ELAPOR2: variants seen among roughly 807,000 people sequenced by gnomAD.
The protein encoded by ELAPOR2 is endosome/lysosome-associated apoptosis and autophagy regulator family member 2.
In ELAPOR2, 89 loss-of-function variants were observed where a neutral mutation model predicts 120.7. The observed-to-expected ratio is 0.74, with a 90% confidence interval of 0.62 to 0.88. The LOEUF (loss-of-function observed/expected upper bound fraction) is 0.88. ELAPOR2 is among the 40% of genes least tolerant of loss of function. The pLI is 0.00. For synonymous variants in ELAPOR2, 444 were observed against 444.9 expected, an observed-to-expected ratio of 1.00 and a Z score of 0.03; for missense variants, 1,134 against 1,251.6, an observed-to-expected ratio of 0.91 and a Z score of 1.42.
At chr7:86,959,562 T>A (rs1049498062) in intron 2 of ELAPOR2, among the ~76,000 whole-genome samples, 11 of 152,238 alleles carry the variant, frequency 7.2e-5, no homozygotes, top group Admixed American at 6.5e-4. Flanking sequence ...ATGTTCTTTC[T>A]GCATCTATTG....
chr7:87,041,117 A>C (rs1794771404), intron 1 of ELAPOR2, among the ~76,000 whole-genome samples: 1 of 152,224 alleles, frequency 6.6e-6, no homozygotes, highest in Admixed American at 6.5e-5. Flanking sequence ...ATTATGTGAA[A>C]AGACCAAATC....
rs191842559 is a variant in ELAPOR2 at position 86,990,250 on chromosome 7, G to A, written c.190-25226C>T. ...TTTTTAGTAGAGACGGGGTTTCACC[G>A]TCTTAGCCAGGATGGTCTCGATCTC... On this transcript the variant is annotated intron_variant, in intron 1 of 21. Coordinates refer to ENST00000450689, the MANE Select transcript of ELAPOR2 (RefSeq NM_001142749.3). Among the ~76,000 whole-genome samples the A allele has an allele frequency of 8.7e-3, 1,316 of 152,016 alleles. 18 individuals are homozygous for A. Among genetic ancestry groups the A allele is most frequent in the South Asian group, 0.036 (174 of 4,788 alleles).
chr7:86,916,955 ATTTTTTTTTTTT>A (rs58682563), intron 12 of ELAPOR2, among the ~76,000 whole-genome samples: 67 of 86,688 alleles, frequency 7.7e-4, no homozygotes, highest in African/African-American at 3.3e-3. Context: ...TGGCCAGCTA[ATTTTTTTTTTTT>A]TTTTTTTTTT....
chr7:87,011,974 A>G (rs1793696522), intron 1 of ELAPOR2, among the ~76,000 whole-genome samples: 1 of 152,196 alleles, frequency 6.6e-6, no homozygotes, highest in South Asian at 2.1e-4. Context: ...TTTTAATAAT[A>G]TATTTTAACT....
chr7:86,932,562 C>A lies in ELAPOR2; in HGVS notation c.1089+5564G>T, dbSNP rs951720277. ...ACCCAAAATAAATAAAATCTTAAGTCTTTTCTGTTTACTAGCTCCCAAACA... is the reference window on the plus strand; with the variant it reads ...ACCCAAAATAAATAAAATCTTAAGTATTTTCTGTTTACTAGCTCCCAAACA... On this transcript the variant is annotated intron_variant, in intron 8 of 21. Transcript: ENST00000450689. 2.2e-4 allele frequency among the ~76,000 whole-genome samples: 34 copies of A among 151,910 alleles called. 1 individual carries two copies. The highest frequency in any genetic ancestry group is 1.4e-3 in the Admixed American group (22 of 15,218).
chr7:87,033,104 G>C (rs1390532017), intron 1 of ELAPOR2, among the ~76,000 whole-genome samples: 2 of 152,170 alleles, frequency 1.3e-5, no homozygotes, highest in African/African-American at 4.8e-5. Flanking sequence ...AAGCATAATA[G>C]ATCAGTTCTG....
chr7:87,047,655 C>G (rs1794992072), intron 1 of ELAPOR2, among the ~76,000 whole-genome samples: 1 of 152,050 alleles, frequency 6.6e-6, no homozygotes, highest in Non-Finnish European at 1.5e-5. Flanking sequence ...AATGACTATC[C>G]AAAAGACAGG....
intron 18 of ELAPOR2, among the ~76,000 whole-genome samples, chr7:86,906,465 A>C (rs1036600123): frequency 6.6e-6 from 1 of 152,176 alleles, no homozygotes; most frequent in African/African-American, 2.4e-5. Flanking sequence ...CTTTATGCCC[A>C]AAAATAAGCC....
Position 86,902,855 on chromosome 7 carries a change from C to T in ELAPOR2, c.2558+4815G>A, listed in dbSNP as rs1309536812. Among the ~76,000 whole-genome samples, 4 of 152,264 alleles carry T rather than the reference C, an allele frequency of 2.6e-5. No homozygotes were observed. In the East Asian group the frequency reaches 7.7e-4, roughly 29 times the overall value. ...TTTCGCCCAATAAATTCCATAACCC[C>T]TCACCCTTCAAAGTGTCTGCAACCC... On this transcript the variant is annotated intron_variant, in intron 18 of 21. Coordinates refer to ENST00000450689, the MANE Select transcript of ELAPOR2 (RefSeq NM_001142749.3).
intron 10 of ELAPOR2, among the ~76,000 whole-genome samples, chr7:86,921,091 C>A (rs1437011362): frequency 2.0e-5 from 3 of 152,030 alleles, no homozygotes; most frequent in Non-Finnish European, 4.4e-5. Flanking sequence ...AGGGAAGTTC[C>A]TTTTGGGAGC....
chr7:86,908,472 T>C lies in ELAPOR2; in HGVS notation c.2431A>G (p.Ile811Val), dbSNP rs1385971566. ...TTATAAAAGAAATGCACATCTGGTA[T>C]TTGGCTTGTTGGAACTGGGAACATA... is the stretch of plus-strand genomic sequence containing the variant. ...EDMFPVPTSQ[I>V]PDVHFFYKSS... is the part of the protein sequence containing the mutation. The change falls in exon 17 of 22, where the codon ATA (isoleucine) becomes GTA (valine). Residue 811 changes from isoleucine (I) to valine (V), a missense_variant. Ile to Val is a conservative substitution (Grantham distance 29, BLOSUM62 3). Around this residue, in one of 3 missense-constraint regions of ELAPOR2, gnomAD observed 831 missense variants for 867.6 expected, o/e 0.96. Transcript: ENST00000450689. The C allele has an allele frequency of 8.8e-6, 14 of 1,584,102 alleles. No individual in the cohort carries two copies. In the South Asian group the frequency reaches 1.3e-4, roughly 14 times the overall value.
chr7:86,902,660 C>T (rs778654368), intron 18 of ELAPOR2, among the ~76,000 whole-genome samples: 42 of 152,126 alleles, frequency 2.8e-4, no homozygotes, highest in Non-Finnish European at 5.6e-4. Flanking sequence ...CCACAGAAAA[C>T]CTCCAATCAG....
intron 1 of ELAPOR2, among the ~76,000 whole-genome samples, chr7:86,990,736 T>G (rs1194363188): frequency 6.6e-6 from 1 of 152,156 alleles, no homozygotes; most frequent in Non-Finnish European, 1.5e-5. Flanking sequence ...ACAGCAAAGT[T>G]AGAGAAATAG....
chr7:86,940,850 G>A (rs563207949), intron 5 of ELAPOR2, among the ~76,000 whole-genome samples: 29 of 152,056 alleles, frequency 1.9e-4, no homozygotes, highest in Non-Finnish European at 4.0e-4. Flanking sequence ...CTATTTCAGT[G>A]AAGCAGTACA....
rs554486892 is a variant in ELAPOR2, at chr7:86,957,295, T to C, written c.310+7609A>G. Among the ~76,000 whole-genome samples, 6 of 152,342 alleles carry C rather than the reference T, an allele frequency of 3.9e-5. No homozygotes were observed. The South Asian group carries it at 1.2e-3, about 32-fold the overall frequency. ...CATTTTGTATGTCAATTTGTCCCTT[T>C]ATGTATAGAACAAATTTTTACAAAT... is the stretch of plus-strand genomic sequence containing the variant. On this transcript the variant is annotated intron_variant, in intron 2 of 21. Coordinates refer to ENST00000450689, the MANE Select transcript of ELAPOR2 (RefSeq NM_001142749.3).
chr7:87,053,402 G>A, intron 1 of ELAPOR2, among the ~76,000 whole-genome samples: 1 of 152,136 alleles, frequency 6.6e-6, no homozygotes, highest in Admixed American at 6.5e-5. Context: ...TGTATTCAAA[G>A]CCTCTGGTAA....
chr7:87,055,432 C>T (rs959528814), intron 1 of ELAPOR2, among the ~76,000 whole-genome samples: 1 of 152,186 alleles, frequency 6.6e-6, no homozygotes, highest in Non-Finnish European at 1.5e-5. Flanking sequence ...TTATGATAGG[C>T]TCCTGCCTGC....
intron 18 of ELAPOR2, among the ~76,000 whole-genome samples, chr7:86,899,262 A>C (rs184028289): frequency 6.6e-6 from 1 of 152,260 alleles, no homozygotes; most frequent in Admixed American, 6.5e-5. Context: ...TTACTGATTG[A>C]TGCCGGAAGC....
At chr7:86,996,083 G>C (rs2116614372) in intron 1 of ELAPOR2, among the ~76,000 whole-genome samples, 1 of 152,160 alleles carries the variant, frequency 6.6e-6, no homozygotes, top group African/African-American at 2.4e-5. Context: ...GAGAATAAGA[G>C]AGAAAAGATC....
Sources: allele counts gnomAD v4.1 joint callset (sites outside exome capture counted in the v4.1 genomes callset), GRCh38; gene constraint gnomAD v4.1.1; regional missense constraint gnomAD v4.1.1; transcripts MANE v1.5; gene names NCBI Gene and HGNC (gene_info 2026-07-23, HGNC 2026-07-21).